ST7: variants seen among roughly 807,000 people sequenced by gnomAD.
ST7 encodes suppression of tumorigenicity 7, also known as suppressor of tumorigenicity 7 protein.
Under a neutral mutation model 78.7 loss-of-function variants are expected in ST7, and 28 were observed. The observed-to-expected ratio is 0.36, with a 90% confidence interval of 0.26 to 0.49. The LOEUF is 0.49. ST7 is among the 20% of genes least tolerant of loss of function. The probability of loss-of-function intolerance (pLI) is 0.99; values close to 1 mark genes in which losing one functional copy is unlikely to be tolerated. For synonymous variants in ST7, 247 were observed against 249.6 expected (o/e 0.99, Z 0.10); for missense variants, 418 against 696.0 (o/e 0.60, Z 4.49).
intron 2 of ST7, among the ~76,000 whole-genome samples, chr7:117,111,850 G>A (rs1455441055): frequency 4.0e-5 from 6 of 150,902 alleles, no homozygotes; most frequent in Admixed American, 1.3e-4. Context: ...ATTTTGCTTC[G>A]CTTTTGAGAG....
At chr7:116,954,350 G>A (rs1487771386) in intron 1 of ST7, 1 of 152,298 alleles carries the variant, frequency 6.6e-6, no homozygotes, top group East Asian at 1.9e-4. Flanking sequence ...GACGTGTCAG[G>A]TCACCAAATG....
chr7:116,956,447 G>C, intron 1 of ST7: 1 of 471,014 alleles, frequency 2.1e-6, no homozygotes. Context: ...CTCTTCCTGT[G>C]ATGAAGGCAA....
chr7:116,993,834 C>G (rs1794531511), intron 1 of ST7, among the ~76,000 whole-genome samples: 1 of 152,136 alleles, frequency 6.6e-6, no homozygotes, highest in South Asian at 2.1e-4. Flanking sequence ...ACATTGAAGG[C>G]AGAAATGTGG....
intron 1 of ST7, 143 bp downstream of exon 1, chr7:116,953,834 A>G (rs1792280400): frequency 2.3e-6 from 1 of 441,548 alleles, no homozygotes; most frequent in Non-Finnish European, 3.0e-6. Flanking sequence ...ACCCGCCAGC[A>G]ACGCGGCGGC....
In ST7 at chr7:117,169,127, A is replaced by C. The variant is rs200145208; in HGVS notation, c.964-1735A>C. On this transcript the variant is annotated intron_variant, in intron 9 of 15. Coordinates refer to ENST00000323984, the MANE Select transcript of ST7 (RefSeq NM_001369598.1). ...AGATAAGATTTTACCTTCTTTTTTT[A>C]ATCTTCTTCCTTTTTTTTTTTTTTT... Among the ~76,000 whole-genome samples, 747 of 114,006 alleles carry C rather than the reference A, an allele frequency of 6.6e-3. 11 individuals are homozygous for C. Among genetic ancestry groups the C allele is most frequent in the African/African-American group, 0.022 (444 of 20,142 alleles). The allele number at this position is 114,006 out of a possible 152,430, so 74.8% of individuals were successfully genotyped here. A position where few individuals can be genotyped will look rare whatever the true frequency, so the allele number is the denominator to read the frequency against.
intron 1 of ST7, among the ~76,000 whole-genome samples, chr7:117,025,496 G>A (rs1002738675): frequency 1.3e-5 from 2 of 152,074 alleles, no homozygotes; most frequent in Non-Finnish European, 2.9e-5. Context: ...GATTTTAGAT[G>A]CTTTCATCTT....
chr7:117,151,155 T>A (rs1485140532), intron 9 of ST7, among the ~76,000 whole-genome samples: 1 of 152,250 alleles, frequency 6.6e-6, no homozygotes, highest in East Asian at 1.9e-4. Context: ...TAACTCAAAC[T>A]ACTTTTTTAA....
intron 1 of ST7, among the ~76,000 whole-genome samples, chr7:117,010,798 C>A (rs924351297): frequency 6.6e-6 from 1 of 152,090 alleles, no homozygotes; most frequent in Admixed American, 6.5e-5. Context: ...TATGATAAAG[C>A]TGTGATTTTC....
At chr7:117,208,947 G>C in intron 12 of ST7, among the ~76,000 whole-genome samples, 1 of 148,702 alleles carries the variant, frequency 6.7e-6, no homozygotes, top group East Asian at 2.0e-4. Context: ...GTGTGTGTCA[G>C]GGATGGATCC....
chr7:117,136,887 G>A (rs957908557), intron 8 of ST7: 7 of 152,112 alleles, frequency 4.6e-5, no homozygotes, highest in South Asian at 2.1e-4. Context: ...ATGACATTTC[G>A]TGGGGGAACA....
intron 9 of ST7, chr7:117,146,165 A>G (rs1584467399): frequency 6.6e-6 from 1 of 152,256 alleles, no homozygotes; most frequent in Non-Finnish European, 1.5e-5. Context: ...AAAGTAATTT[A>G]TGCTCATTGT....
Position 117,153,376 on chromosome 7 carries a change from G to A in ST7, c.963+14844G>A, listed in dbSNP as rs140837588. ...GAGATATGGGCTAGAGGAAGTTCTG[G>A]GAAGGATCAGCATGGGAGGTGATTT... On this transcript the variant is annotated intron_variant, in intron 9 of 15. Coordinates refer to ENST00000323984, the MANE Select transcript of ST7 (RefSeq NM_001369598.1). Among the ~76,000 whole-genome samples, 841 of 152,238 alleles carry A rather than the reference G, an allele frequency of 5.5e-3. 7 individuals are homozygous for A. The highest frequency in any genetic ancestry group is 0.019 in the African/African-American group (796 of 41,522).
intron 2 of ST7, among the ~76,000 whole-genome samples, chr7:117,116,234 A>G (rs138199174): frequency 6.6e-5 from 10 of 152,342 alleles, no homozygotes; most frequent in Admixed American, 3.9e-4. Context: ...ATGCATATTT[A>G]TATTTTAATT....
intron 1 of ST7, among the ~76,000 whole-genome samples, chr7:117,012,777 T>C (rs992283452): frequency 6.6e-6 from 1 of 152,216 alleles, no homozygotes; most frequent in African/African-American, 2.4e-5. Flanking sequence ...ATCTATGTAG[T>C]AAGTGGCTGA....
intron 1 of ST7, among the ~76,000 whole-genome samples, chr7:117,061,190 G>C (rs1798334524): frequency 1.3e-5 from 2 of 152,144 alleles, no homozygotes; most frequent in African/African-American, 4.8e-5. Flanking sequence ...CCATTTTAAA[G>C]ACAATTAAAA....
intron 9 of ST7, among the ~76,000 whole-genome samples, chr7:117,157,285 T>G (rs950946505): frequency 6.6e-5 from 10 of 152,164 alleles, no homozygotes; most frequent in African/African-American, 2.2e-4. Context: ...AAAAGTTTTT[T>G]GGGGTAACTC....
intron 8 of ST7, among the ~76,000 whole-genome samples, chr7:117,137,761 C>T (rs553969095): frequency 6.6e-6 from 1 of 152,224 alleles, no homozygotes; most frequent in Non-Finnish European, 1.5e-5. Context: ...GGTCTGAAAA[C>T]ATATCCAACA....
intron 1 of ST7, among the ~76,000 whole-genome samples, chr7:116,960,851 A>G (rs970623001): frequency 4.6e-5 from 7 of 151,884 alleles, no homozygotes; most frequent in African/African-American, 1.7e-4. Flanking sequence ...TTTTGCTTTT[A>G]TTGTAGTTGC....
chr7:117,196,068 C>T (rs1170531112), intron 12 of ST7, among the ~76,000 whole-genome samples: 1 of 152,216 alleles, frequency 6.6e-6, no homozygotes, highest in Non-Finnish European at 1.5e-5. Context: ...CAAGGTTCAT[C>T]TGTGTTCTAG....
Sources: gnomAD v4.1 joint callset for allele counts (sites outside exome capture counted in the v4.1 genomes callset) on GRCh38, gnomAD v4.1.1 for gene constraint, MANE v1.5 for transcripts, NCBI Gene and HGNC (gene_info 2026-07-23, HGNC 2026-07-21) for gene names.